PPP3CC: variants seen among roughly 807,000 people sequenced by gnomAD.
The protein encoded by PPP3CC is serine/threonine-protein phosphatase 2B catalytic subunit gamma isoform.
PPP3CC carries 35 observed loss-of-function variants against 60.3 expected under a neutral mutation model. That is an observed-to-expected ratio of 0.58 (90% CI 0.44 to 0.77). The LOEUF (loss-of-function observed/expected upper bound fraction) is 0.77, where lower values mean the gene tolerates loss of function less well. Among genes scored for constraint, PPP3CC ranks in the 30% least tolerant of loss-of-function variants. PPP3CC has a pLI of 0.00. For missense variants in PPP3CC, 570 were observed against 628.9 expected (o/e 0.91, Z 1.00); for synonymous variants, 206 against 224.3 (o/e 0.92, Z 0.73).
chr8:22,444,505 ACC>A (rs1836767316), intron 1 of PPP3CC, among the ~76,000 whole-genome samples: 1 of 152,204 alleles, frequency 6.6e-6, no homozygotes, highest in Admixed American at 6.5e-5. Context: ...TCAGGTGAAT[ACC>A]TATTCTACAG....
chr8:22,477,482 A>AAAAGAAAG (rs113298288), intron 3 of PPP3CC, among the ~76,000 whole-genome samples: 4 of 145,976 alleles, frequency 2.7e-5, no homozygotes, highest in South Asian at 2.2e-4. Flanking sequence ...TCAAAAAAAA[A>AAAAGAAAG]AAAGAAAGAA....
At chr8:22,530,877 TGAAAGAGAAGCTATA>T (rs1405527816) in intron 10 of PPP3CC, among the ~76,000 whole-genome samples, 1 of 144,116 alleles carries the variant, frequency 6.9e-6, no homozygotes, top group Admixed American at 6.9e-5. Context: ...TTATATCCCC[TGAAAGAGAAGCTATA>T]GAATCCATTA....
At chr8:22,504,577 T>C (rs565615704) in intron 4 of PPP3CC, among the ~76,000 whole-genome samples, 16 of 152,312 alleles carry the variant, frequency 1.1e-4, no homozygotes, top group African/African-American at 3.8e-4. Flanking sequence ...AGATTACAGA[T>C]GTGAGCTGCC....
chr8:22,532,427 A>C, intron 11 of PPP3CC, 121 bp downstream of exon 11: 1 of 780,478 alleles, frequency 1.3e-6, no homozygotes, highest in South Asian at 1.7e-5. Flanking sequence ...CTTTAGGTTG[A>C]GTGCAAATTC....
In PPP3CC at chr8:22,529,279, G is replaced by A. The variant is rs540473897; in HGVS notation, c.1141+702G>A. 1.3e-4 allele frequency among the ~76,000 whole-genome samples: 20 copies of A among 152,308 alleles called. No individual in the cohort carries two copies. The South Asian group carries it at 4.1e-3, about 32-fold the overall frequency. On this transcript the variant is annotated intron_variant, in intron 10 of 13. Transcript: ENST00000240139. ...GATACAGATAGAAATTTCTGATACA[G>A]CCTCTAGAAAGGCTGTACCACTTTA... is the stretch of plus-strand genomic sequence containing the variant.
intron 3 of PPP3CC, among the ~76,000 whole-genome samples, chr8:22,485,586 C>T (rs1219756158): frequency 1.3e-5 from 2 of 152,056 alleles, no homozygotes; most frequent in Non-Finnish European, 2.9e-5. Flanking sequence ...TTCAGAGGTC[C>T]CCAGTGTGGC....
intron 4 of PPP3CC, chr8:22,510,853 C>G: frequency 4.3e-6 from 2 of 463,346 alleles, no homozygotes; most frequent in East Asian, 7.1e-5. Context: ...TATCACATTT[C>G]CAAGCAACAG....
In PPP3CC at chr8:22,533,152, T is replaced by G. The variant is rs184891868; in HGVS notation, c.1321+134T>G. The G allele has an allele frequency of 1.1e-5, 6 of 568,698 alleles. No individual in the cohort carries two copies. In the Admixed American group the frequency reaches 2.0e-4, roughly 19 times the overall value. 35.2% of individuals were successfully genotyped at this position (568,698 alleles called of 1,614,324 possible). ...TATACCATAAGCGGGGAAATGAATC[T>G]TCACCCCTACTTCCCTCCATACAGA... On this transcript the variant is annotated intron_variant, in intron 12 of 13. Coordinates refer to ENST00000240139, the MANE Select transcript of PPP3CC (RefSeq NM_005605.5).
rs531803184 is a variant in PPP3CC at position 22,517,272 on chromosome 8, G to T, written c.770+3840G>T. ...GTATGTTGTTGAGTTTGGCTTTCTA[G>T]TGTTTTATGGAGGATTTAAAAATCT... On this transcript the variant is annotated intron_variant, in intron 6 of 13. Coordinates refer to ENST00000240139, the MANE Select transcript of PPP3CC (RefSeq NM_005605.5). Among the ~76,000 whole-genome samples the T allele has an allele frequency of 6.6e-5, 10 of 152,270 alleles. No homozygotes were observed. In the South Asian group the frequency reaches 2.1e-3, roughly 32 times the overall value.
At chr8:22,447,631 T>A (rs1202671160) in intron 1 of PPP3CC, among the ~76,000 whole-genome samples, 1 of 152,168 alleles carries the variant, frequency 6.6e-6, no homozygotes, top group Non-Finnish European at 1.5e-5. Context: ...ATAGTCTTAA[T>A]GTTAAAATTT....
intron 1 of PPP3CC, among the ~76,000 whole-genome samples, chr8:22,461,919 G>A (rs1352717576): frequency 2.6e-5 from 4 of 152,052 alleles, no homozygotes; most frequent in African/African-American, 9.7e-5. Flanking sequence ...TAGAACATAC[G>A]GGTATGAGTG....
At chr8:22,442,941 A>C (rs1836716966) in intron 1 of PPP3CC, among the ~76,000 whole-genome samples, 1 of 152,168 alleles carries the variant, frequency 6.6e-6, no homozygotes, top group African/African-American at 2.4e-5. Context: ...TCTCTCCAGT[A>C]CTGTTTTCTG....
intron 4 of PPP3CC, among the ~76,000 whole-genome samples, chr8:22,502,961 T>C (rs1390983342): frequency 6.6e-6 from 1 of 152,178 alleles, no homozygotes; most frequent in Non-Finnish European, 1.5e-5. Context: ...CCTCCAGCCT[T>C]AGCCTCCTAA....
At chr8:22,495,231 G>A (rs961203939) in intron 3 of PPP3CC, among the ~76,000 whole-genome samples, 11 of 152,158 alleles carry the variant, frequency 7.2e-5, no homozygotes, top group African/African-American at 2.4e-4. Flanking sequence ...TTGCATTTGT[G>A]AGCCATTGTG....
At chr8:22,501,973 GC>G (rs1283657548) in intron 4 of PPP3CC, among the ~76,000 whole-genome samples, 6 of 152,178 alleles carry the variant, frequency 3.9e-5, no homozygotes, top group Non-Finnish European at 4.4e-5. Flanking sequence ...ATTACAGTGG[GC>G]TATGATTGTG....
intron 12 of PPP3CC, among the ~76,000 whole-genome samples, chr8:22,536,445 G>A (rs1457536336): frequency 6.6e-6 from 1 of 152,220 alleles, no homozygotes; most frequent in Admixed American, 6.5e-5. Context: ...TAAACCTTGA[G>A]AAAGCAAATC....
intron 1 of PPP3CC, among the ~76,000 whole-genome samples, chr8:22,446,830 AAAG>A (rs1229640932): frequency 2.0e-5 from 3 of 151,250 alleles, no homozygotes; most frequent in Non-Finnish European, 2.9e-5. Flanking sequence ...AAAAAAAAAA[AAAG>A]CTGATTTTTA....
At chr8:22,452,109 TCAAA>T (rs2132432630) in intron 1 of PPP3CC, among the ~76,000 whole-genome samples, 1 of 151,922 alleles carries the variant, frequency 6.6e-6, no homozygotes, top group East Asian at 1.9e-4. Flanking sequence ...CACTGTGGCC[TCAAA>T]CAAACTCCTG....
chr8:22,498,813 A>C (rs1381846637), intron 4 of PPP3CC, among the ~76,000 whole-genome samples: 1 of 152,212 alleles, frequency 6.6e-6, no homozygotes, highest in Non-Finnish European at 1.5e-5. Flanking sequence ...GTAATAGTAA[A>C]AATAAGTTTA....
Sources: allele counts gnomAD v4.1 joint callset (sites outside exome capture counted in the v4.1 genomes callset), GRCh38; gene constraint gnomAD v4.1.1; transcripts MANE v1.5; gene names NCBI Gene and HGNC (gene_info 2026-07-23, HGNC 2026-07-21).